Variants in RABGAP1L observed in about 807,000 individuals in gnomAD.
The protein encoded by RABGAP1L is rab GTPase-activating protein 1-like.
In RABGAP1L, 63 loss-of-function variants were observed where a neutral mutation model predicts 137.7. The ratio of observed to expected loss-of-function variants is 0.46; its 90% CI spans 0.37 to 0.56. The LOEUF (loss-of-function observed/expected upper bound fraction) is 0.56, where lower values mean the gene tolerates loss of function less well. Among genes scored for constraint, RABGAP1L ranks in the 20% least tolerant of loss-of-function variants. The pLI, the probability that RABGAP1L is intolerant of heterozygous loss-of-function variation, is 0.00. For missense variants in RABGAP1L, 1,095 were observed against 1,244.0 expected, an observed-to-expected ratio of 0.88 and a Z score of 1.80; for synonymous variants, 431 against 433.7, an observed-to-expected ratio of 0.99 and a Z score of 0.08.
chr1:174,403,420 A>T (rs1258303502), intron 13 of RABGAP1L, among the ~76,000 whole-genome samples: 1 of 151,968 alleles, frequency 6.6e-6, no homozygotes, highest in Non-Finnish European at 1.5e-5. Context: ...CCTGGATTTA[A>T]GATTCACCTC....
intron 7 of RABGAP1L, among the ~76,000 whole-genome samples, chr1:174,258,961 T>C (rs774592081): frequency 9.2e-5 from 14 of 151,930 alleles, no homozygotes; most frequent in Non-Finnish European, 1.6e-4. Context: ...GTTGTCTTAT[T>C]TATCTTTCAT....
intron 11 of RABGAP1L, among the ~76,000 whole-genome samples, chr1:174,356,809 A>G (rs1390067653): frequency 6.6e-6 from 1 of 152,208 alleles, no homozygotes. Flanking sequence ...TAGGCATAAA[A>G]CAGAAGACTC....
At chr1:174,316,033 C>G (rs112238820) in intron 11 of RABGAP1L, among the ~76,000 whole-genome samples, 7 of 152,140 alleles carry the variant, frequency 4.6e-5, no homozygotes, top group African/African-American at 1.7e-4. Flanking sequence ...GGACTCTGAT[C>G]TGTTCCTTAG....
rs186710532 is a variant in RABGAP1L, at chr1:174,195,950, C to T, written c.-33-23175C>T. On this transcript the variant is annotated intron_variant, in intron 1 of 25. Coordinates refer to ENST00000681986, the MANE Select transcript of RABGAP1L (RefSeq NM_001366446.1). ...TCCTGGGTTCAAGTGATTCTCCTGCCTCAGCCTCCTGAGTAGCTGGGATTA... is the reference window on the plus strand; with the variant it reads ...TCCTGGGTTCAAGTGATTCTCCTGCTTCAGCCTCCTGAGTAGCTGGGATTA... 1.6e-3 allele frequency among the ~76,000 whole-genome samples: 242 copies of T among 149,784 alleles called. 1 individual carries two copies. Among genetic ancestry groups the T allele is most frequent in the Non-Finnish European group, 1.8e-3 (122 of 67,606 alleles).
intron 11 of RABGAP1L, among the ~76,000 whole-genome samples, chr1:174,327,812 C>T (rs79842710): frequency 0.074 from 11,060 of 150,338 alleles, 601 homozygotes; most frequent in East Asian, 0.32. Context: ...AGGTATTCCA[C>T]GCAAATATAA....
rs770120078 is a variant in RABGAP1L, at chr1:174,761,498, G to T, written c.2211+9144G>T. 6.6e-6 allele frequency among the ~76,000 whole-genome samples: 1 copy of T among 151,716 alleles called. No homozygotes were observed. The highest frequency in any genetic ancestry group is 1.5e-5 in the Non-Finnish European group (1 of 67,930). ...TCACTTCCCAGACAATGCAGGGGCC[G>T]GGGAGAGGCGCTGCTCACTTCCCAG... is the stretch of plus-strand genomic sequence containing the variant. On this transcript the variant is annotated intron_variant, in intron 18 of 25. Transcript: ENST00000681986. This position sits in a 1 kb window ranked among gnomAD's most constrained non-coding sequence, Gnocchi z 4.0.
At chr1:174,934,716 AGGAGGTCATGCC>A (rs2149269757) in intron 19 of RABGAP1L, among the ~76,000 whole-genome samples, 1 of 152,248 alleles carries the variant, frequency 6.6e-6, no homozygotes, top group African/African-American at 2.4e-5. Flanking sequence ...GCTTGAGCCC[AGGAGGTCATGCC>A]TTCAGTAAAC....
Position 174,500,800 on chromosome 1 carries a change from T to A in RABGAP1L, c.1710+106655T>A, listed in dbSNP as rs372535956. 5.3e-5 allele frequency among the ~76,000 whole-genome samples: 8 copies of A among 152,242 alleles called. No individual in the cohort carries two copies. The East Asian group carries it at 1.4e-3, about 26-fold the overall frequency. ...GAGAAGGAAGGAAGGAGGCATGGTA[T>A]CCCTGAGTTCCAGTAAAAAACTCAG... On this transcript the variant is annotated intron_variant, in intron 13 of 25. Coordinates refer to ENST00000681986, the MANE Select transcript of RABGAP1L (RefSeq NM_001366446.1).
At chr1:174,355,439 A>G (rs1683547004) in intron 11 of RABGAP1L, among the ~76,000 whole-genome samples, 2 of 142,320 alleles carry the variant, frequency 1.4e-5, no homozygotes, top group African/African-American at 5.6e-5. Context: ...CAGGAAGGGG[A>G]ACATCACACT....
chr1:174,386,820 T>G (rs1686834574), intron 12 of RABGAP1L, among the ~76,000 whole-genome samples: 2 of 152,128 alleles, frequency 1.3e-5, no homozygotes, highest in African/African-American at 4.8e-5. Context: ...TTAGTTTTTA[T>G]AAGAGCATGT....
At chr1:174,613,479 A>C (rs183189702) in intron 13 of RABGAP1L, among the ~76,000 whole-genome samples, 8 of 152,172 alleles carry the variant, frequency 5.3e-5, no homozygotes, top group South Asian at 2.1e-4. Flanking sequence ...ACTTCCAACT[A>C]TGTGGTCAAT....
intron 10 of RABGAP1L, among the ~76,000 whole-genome samples, chr1:174,281,345 T>A (rs532891769): frequency 1.3e-5 from 2 of 152,286 alleles, no homozygotes; most frequent in East Asian, 3.9e-4. Context: ...ATTGGCCTGT[T>A]TTTACAGAGT....
intron 14 of RABGAP1L, among the ~76,000 whole-genome samples, chr1:174,653,027 C>G (rs541091945): frequency 1.3e-5 from 2 of 152,290 alleles, no homozygotes; most frequent in East Asian, 1.9e-4. Flanking sequence ...GGCTGTCTGG[C>G]TACAGTATCT....
Position 174,864,661 on chromosome 1 carries a change from T to C in RABGAP1L, c.2340+52701T>C, listed in dbSNP as rs569923520. 5.9e-5 allele frequency among the ~76,000 whole-genome samples: 9 copies of C among 152,302 alleles called. No individual in the cohort carries two copies. The East Asian group carries it at 1.7e-3, about 29-fold the overall frequency. ...CCCATGAGGTCCCTCCCCCAACATATGGGAATTACAATTTGGATTACAATT... is the reference window on the plus strand; with the variant it reads ...CCCATGAGGTCCCTCCCCCAACATACGGGAATTACAATTTGGATTACAATT... On this transcript the variant is annotated intron_variant, in intron 19 of 25. Coordinates refer to ENST00000681986, the MANE Select transcript of RABGAP1L (RefSeq NM_001366446.1).
chr1:174,826,317 G>A (rs560924814), intron 19 of RABGAP1L, among the ~76,000 whole-genome samples: 1 of 152,082 alleles, frequency 6.6e-6, no homozygotes, highest in African/African-American at 2.4e-5. Context: ...CGCCTCTCGG[G>A]TTCAAGTGAT....
At chr1:174,838,291 T>C (rs1692966750) in intron 19 of RABGAP1L, among the ~76,000 whole-genome samples, 1 of 152,226 alleles carries the variant, frequency 6.6e-6, no homozygotes, top group Admixed American at 6.5e-5. Flanking sequence ...CTATATTGGA[T>C]AGGTGAAATC....
intron 4 of RABGAP1L, among the ~76,000 whole-genome samples, chr1:174,237,183 T>A (rs1453566777): frequency 6.6e-6 from 1 of 151,110 alleles, no homozygotes; most frequent in Admixed American, 6.6e-5. Context: ...TGAGATGGGT[T>A]TCCTGAATAC....
chr1:174,377,044 G>T (rs2149021966), intron 12 of RABGAP1L, among the ~76,000 whole-genome samples: 1 of 152,200 alleles, frequency 6.6e-6, no homozygotes, highest in African/African-American at 2.4e-5. Flanking sequence ...GTGCACATCA[G>T]TTTCATTTCT....
intron 7 of RABGAP1L, among the ~76,000 whole-genome samples, chr1:174,264,837 GAAAA>G (rs552748137): frequency 6.8e-6 from 1 of 147,918 alleles, no homozygotes; most frequent in African/African-American, 2.5e-5. Context: ...AAAAAAATTA[GAAAA>G]AAAAACAAAA....
Sources: allele counts gnomAD v4.1 joint callset (sites outside exome capture counted in the v4.1 genomes callset), GRCh38; gene constraint gnomAD v4.1.1; non-coding constraint Gnocchi (gnomAD v3.1); transcripts MANE v1.5; gene names NCBI Gene and HGNC (gene_info 2026-07-23, HGNC 2026-07-21).